The following CLEC2D variants were observed in gnomAD, a reference collection of about 807,000 sequenced individuals.
CLEC2D encodes C-type lectin domain family 2 member D.
Under a neutral mutation model 20.0 loss-of-function variants are expected in CLEC2D, and 16 were observed. The observed-to-expected ratio is 0.80, with a 90% CI of 0.54 to 1.22. The LOEUF (loss-of-function observed/expected upper bound fraction) is 1.22, where lower values mean the gene tolerates loss of function less well. Among genes scored for constraint, CLEC2D ranks in the 50% most tolerant of loss-of-function variants. CLEC2D has a pLI of 0.00. For missense variants in CLEC2D, 207 were observed against 221.5 expected, an observed-to-expected ratio of 0.93 and a Z score of 0.42; for synonymous variants, 77 against 71.1, an observed-to-expected ratio of 1.08 and a Z score of -0.42.
chr12:9,677,931 C>T (rs1006383514), intron 1 of CLEC2D, among the ~76,000 whole-genome samples: 18 of 151,980 alleles, frequency 1.2e-4, no homozygotes, highest in Non-Finnish European at 2.1e-4. Context: ...CCACATTGCT[C>T]AGGTTGGTCT....
chr12:9,686,201 G>A (rs1865745750), intron 2 of CLEC2D, among the ~76,000 whole-genome samples: 1 of 151,728 alleles, frequency 6.6e-6, no homozygotes, highest in Non-Finnish European at 1.5e-5. Flanking sequence ...CAGTCCCAGT[G>A]AGATGATCCT....
rs756270341 is a variant in CLEC2D, at chr12:9,681,045, G to T, written c.172+12G>T. ...TGCTGCTTTAAGCGGTAAGTGAACTGTAATCTTTATTCATCTAGAGAGAAT... is the reference window on the plus strand; with the variant it reads ...TGCTGCTTTAAGCGGTAAGTGAACTTTAATCTTTATTCATCTAGAGAGAAT... On this transcript the variant is annotated intron_variant, in intron 2 of 4. Coordinates refer to ENST00000290855, the MANE Select transcript of CLEC2D (RefSeq NM_013269.6). 1.6e-6 allele frequency: 2 copies of T among 1,275,696 alleles called. No individual in the cohort carries two copies. Among genetic ancestry groups the T allele is most frequent in the Admixed American group, 3.5e-5 (2 of 57,916 alleles). The allele number at this position is 1,275,696 out of a possible 1,614,324, so 79.0% of individuals were successfully genotyped here.
chr12:9,683,893 T>G (rs1443370143), intron 2 of CLEC2D, among the ~76,000 whole-genome samples: 5 of 151,966 alleles, frequency 3.3e-5, no homozygotes, highest in African/African-American at 1.2e-4. Flanking sequence ...AAAGTTTTTT[T>G]TTTTTTAATT....
chr12:9,672,748 T>A lies in CLEC2D; in HGVS notation c.61+2953T>A, dbSNP rs759573659. The stretch of plus-strand genomic sequence containing the variant: ...TACATAGTCCCATAGTTCTTGGAAG[T>A]TTTGTTCATTTCTTTTCATTCTTTT... On this transcript the variant is annotated intron_variant, in intron 1 of 4. Coordinates refer to ENST00000290855, the MANE Select transcript of CLEC2D (RefSeq NM_013269.6). Among the ~76,000 whole-genome samples, 5 of 152,014 alleles carry A rather than the reference T, an allele frequency of 3.3e-5. No homozygotes were observed. The South Asian group carries it at 1.0e-3, about 32-fold the overall frequency.
In CLEC2D at chr12:9,694,419, G is replaced by A. The variant is rs368894299; in HGVS notation, c.462-341G>A. 2.5e-4 allele frequency among the ~76,000 whole-genome samples: 38 copies of A among 152,298 alleles called. No individual in the cohort carries two copies. In the South Asian group the frequency reaches 7.9e-3, roughly 32 times the overall value. Reference sequence around the variant, plus strand: ...CATGGTTTTTAGAAATAGCTGCTGAGTCTTCAGTTATTTAAGGAAGCAAAA... The same window carrying A: ...CATGGTTTTTAGAAATAGCTGCTGAATCTTCAGTTATTTAAGGAAGCAAAA... On this transcript the variant is annotated intron_variant, in intron 4 of 4. Transcript: ENST00000290855.
At chr12:9,686,841 C>G (rs148875664) in intron 2 of CLEC2D, among the ~76,000 whole-genome samples, 1 of 152,168 alleles carries the variant, frequency 6.6e-6, no homozygotes, top group African/African-American at 2.4e-5. Flanking sequence ...GTGTAGAAAA[C>G]CTCACTAAAT....
rs1865970938 is a variant in CLEC2D at position 9,695,759 on chromosome 12, A to G, written c.*885A>G. On this transcript the variant is annotated 3_prime_UTR_variant, in exon 5 of 5. Coordinates refer to ENST00000290855, the MANE Select transcript of CLEC2D (RefSeq NM_013269.6). The stretch of plus-strand genomic sequence containing the variant: ...GCTGTGAAGGAAGGTGCAGAGTCAG[A>G]AGATGAAGAAGAGGAGGATGTGAAA... 3 of 1,378,916 alleles carry G rather than the reference A, an allele frequency of 2.2e-6. No individual in the cohort carries two copies. The highest frequency in any genetic ancestry group is 3.1e-6 in the Non-Finnish European group (3 of 978,018). The allele number at this position is 1,378,916 out of a possible 1,614,324, so 85.4% of individuals were successfully genotyped here.
intron 4 of CLEC2D, chr12:9,693,505 GT>G (rs1480862186): frequency 5.7e-6 from 1 of 175,918 alleles, no homozygotes; most frequent in African/African-American, 2.4e-5. Flanking sequence ...AGATGAGACA[GT>G]TTTGAAAAGC....
intron 2 of CLEC2D, among the ~76,000 whole-genome samples, chr12:9,685,431 G>A (rs747788261): frequency 5.9e-5 from 9 of 152,346 alleles, no homozygotes; most frequent in East Asian, 1.9e-4. Flanking sequence ...TCCTGAAGCC[G>A]TGACCACAGC....
chr12:9,696,006 A>G lies in CLEC2D; in HGVS notation c.*1132A>G. Reference sequence around the variant, plus strand: ...AAGACTCAAAACCATCATCAACACCAAGATCAAAAGGACAAGAATCCTTCA... The same window carrying G: ...AAGACTCAAAACCATCATCAACACCGAGATCAAAAGGACAAGAATCCTTCA... On this transcript the variant is annotated 3_prime_UTR_variant, in exon 5 of 5. Coordinates refer to ENST00000290855, the MANE Select transcript of CLEC2D (RefSeq NM_013269.6). The G allele has an allele frequency of 6.6e-7, 1 of 1,507,272 alleles. No individual in the cohort carries two copies. The allele number at this position is 1,507,272 out of a possible 1,614,324, so 93.4% of individuals were successfully genotyped here.
chr12:9,689,899 T>C (rs1202290902), intron 3 of CLEC2D, among the ~76,000 whole-genome samples: 1 of 152,038 alleles, frequency 6.6e-6, no homozygotes, highest in Non-Finnish European at 1.5e-5. Context: ...ACATATGTAC[T>C]GTAGAAATCC....
At chr12:9,677,724 T>A (rs1490096439) in intron 1 of CLEC2D, among the ~76,000 whole-genome samples, 1 of 150,422 alleles carries the variant, frequency 6.6e-6, no homozygotes, top group African/African-American at 2.4e-5. Flanking sequence ...TTTTTTTTTT[T>A]TTTTATTTTG....
At chr12:9,675,448 C>A (rs1438153857) in intron 1 of CLEC2D, among the ~76,000 whole-genome samples, 2 of 152,192 alleles carry the variant, frequency 1.3e-5, no homozygotes, top group Non-Finnish European at 2.9e-5. Context: ...CCTGCCTTGG[C>A]CTCCCAAAGT....
At chr12:9,685,877 TG>T (rs1339013506) in intron 2 of CLEC2D, among the ~76,000 whole-genome samples, 1 of 152,116 alleles carries the variant, frequency 6.6e-6, no homozygotes, top group Non-Finnish European at 1.5e-5. Flanking sequence ...TCTGTCTCAG[TG>T]GGTTCCAGGC....
intron 3 of CLEC2D, among the ~76,000 whole-genome samples, chr12:9,689,329 A>G (rs764982283): frequency 5.9e-5 from 9 of 152,354 alleles, no homozygotes; most frequent in African/African-American, 2.2e-4. Context: ...TCATGACCAA[A>G]TGACTCTGAG....
At chr12:9,687,232 A>G (rs1001470836) in intron 2 of CLEC2D, among the ~76,000 whole-genome samples, 5 of 152,240 alleles carry the variant, frequency 3.3e-5, no homozygotes, top group Non-Finnish European at 5.9e-5. Context: ...AGATGGTACC[A>G]TCTGTGAGTG....
intron 2 of CLEC2D, among the ~76,000 whole-genome samples, chr12:9,684,741 G>T (rs866677584): frequency 2.6e-5 from 4 of 152,044 alleles, no homozygotes; most frequent in African/African-American, 7.2e-5. Context: ...TGACTTGATC[G>T]TGGTGGATAA....
At chr12:9,675,702 T>C (rs189587230) in intron 1 of CLEC2D, among the ~76,000 whole-genome samples, 213 of 152,356 alleles carry the variant, frequency 1.4e-3, no homozygotes, top group Non-Finnish European at 2.5e-3. Context: ...TTATTATCAT[T>C]GCATTTAATC....
intron 1 of CLEC2D, among the ~76,000 whole-genome samples, chr12:9,672,822 C>T (rs989491292): frequency 2.0e-5 from 3 of 151,914 alleles, no homozygotes; most frequent in Non-Finnish European, 4.4e-5. Flanking sequence ...AGTCTTCAAG[C>T]TCTGATATTT....
Sources: allele counts gnomAD v4.1 joint callset (sites outside exome capture counted in the v4.1 genomes callset), GRCh38; gene constraint gnomAD v4.1.1; transcripts MANE v1.5; gene names NCBI Gene and HGNC (gene_info 2026-07-23, HGNC 2026-07-21).